The following LINS1 variants were observed in gnomAD, a reference collection of about 807,000 sequenced individuals.
LINS1 encodes protein Lines homolog 1.
In LINS1, 27 loss-of-function variants were observed where a neutral mutation model predicts 41.6. The ratio of observed to expected loss-of-function variants is 0.65; its 90% CI spans 0.48 to 0.89. The LOEUF is 0.89. Ranked by LOEUF, LINS1 falls within the 40% of genes least tolerant of loss-of-function variation. The pLI, the probability that LINS1 is intolerant of heterozygous loss-of-function variation, is 0.00. For synonymous variants in LINS1, 336 were observed against 312.9 expected, an observed-to-expected ratio of 1.07 and a Z score of -0.78; for missense variants, 955 against 884.1, an observed-to-expected ratio of 1.08 and a Z score of -1.02.
At chr15:100,570,882 C>T (rs532571122) in intron 6 of LINS1, among the ~76,000 whole-genome samples, 6 of 152,286 alleles carry the variant, frequency 3.9e-5, no homozygotes, top group Non-Finnish European at 7.3e-5. Flanking sequence ...GTTGTAAGCA[C>T]ATGCCTCTCT....
intron 1 of LINS1, among the ~76,000 whole-genome samples, chr15:100,588,698 A>G (rs2038912581): frequency 6.6e-6 from 1 of 152,228 alleles, no homozygotes; most frequent in Admixed American, 6.5e-5. Flanking sequence ...ATGTGAAATT[A>G]GCCATGCCCT....
intron 1 of LINS1, among the ~76,000 whole-genome samples, chr15:100,584,004 TTTTA>T (rs758798837): frequency 1.1e-4 from 16 of 152,106 alleles, no homozygotes; most frequent in Non-Finnish European, 2.4e-4. Context: ...ATGGAATTAT[TTTTA>T]TTTATTATCC....
At chr15:100,594,273 G>A (rs1481425746) in intron 1 of LINS1, among the ~76,000 whole-genome samples, 1 of 152,082 alleles carries the variant, frequency 6.6e-6, no homozygotes, top group Non-Finnish European at 1.5e-5. Flanking sequence ...TTGAATCTGT[G>A]GATGTGGAAC....
At chr15:100,578,440 G>A (rs2038322452) in intron 3 of LINS1, among the ~76,000 whole-genome samples, 1 of 151,596 alleles carries the variant, frequency 6.6e-6, no homozygotes, top group Non-Finnish European at 1.5e-5. Context: ...ATCATCACTG[G>A]CCATCAGAGA....
Position 100,569,814 on chromosome 15 carries a change from G to T in LINS1, c.1698C>A (p.Asp566Glu), listed in dbSNP as rs2037715951. The change falls in exon 7 of 7, where the codon GAC becomes GAA. Residue 566 changes from aspartate to glutamate, a missense_variant. Coordinates refer to ENST00000314742, the MANE Select transcript of LINS1 (RefSeq NM_001040616.3). The stretch of plus-strand genomic sequence containing the variant: ...GGGGTATTGTTTGGTTGGAGCTTTG[G>T]TCTTGGACAAGTGAGGGGACACAGC... ...ICGCVPSLVQ[D>E]QSSNQTIPHR... The T allele has an allele frequency of 6.2e-7, 1 of 1,614,116 alleles. No individual in the cohort carries two copies. The highest frequency in any genetic ancestry group is 8.5e-7 in the Non-Finnish European group (1 of 1,180,012).
intron 1 of LINS1, among the ~76,000 whole-genome samples, chr15:100,597,862 A>G (rs1443406639): frequency 6.6e-6 from 1 of 152,270 alleles, no homozygotes; most frequent in East Asian, 1.9e-4. Context: ...TTCAATTGAT[A>G]AAACGAGATT....
At chr15:100,579,358 G>A (rs902624209) in intron 3 of LINS1, among the ~76,000 whole-genome samples, 2 of 149,716 alleles carry the variant, frequency 1.3e-5, no homozygotes, top group Non-Finnish European at 3.0e-5. Context: ...AGCAAAGACT[G>A]TGGCCCCTTT....
intron 1 of LINS1, among the ~76,000 whole-genome samples, chr15:100,600,571 A>AAAAAAAAAAAAG (rs2039443657): frequency 6.6e-6 from 1 of 150,618 alleles, no homozygotes; most frequent in African/African-American, 2.4e-5. Context: ...AAAAAAAAAA[A>AAAAAAAAAAAAG]CAGGGAGAAA....
At chr15:100,602,055 G>C (rs1226074458) in intron 1 of LINS1, 66 bp downstream of exon 1, 1 of 152,346 alleles carries the variant, frequency 6.6e-6, no homozygotes, top group Non-Finnish European at 1.5e-5. Flanking sequence ...CCCTGAACCA[G>C]GCTCTCATTT....
At chr15:100,595,680 A>G (rs2039214152) in intron 1 of LINS1, among the ~76,000 whole-genome samples, 2 of 152,154 alleles carry the variant, frequency 1.3e-5, no homozygotes, top group African/African-American at 4.8e-5. Flanking sequence ...TATTAGAAGT[A>G]AAAAAAATTA....
At chr15:100,599,442 T>C (rs1305152466) in intron 1 of LINS1, among the ~76,000 whole-genome samples, 2 of 152,198 alleles carry the variant, frequency 1.3e-5, no homozygotes, top group Non-Finnish European at 2.9e-5. Flanking sequence ...AAAATGGTTG[T>C]TTAACTCAAA....
rs1366270682 is a variant in LINS1 at position 100,567,222 on chromosome 15, A to C, written c.*2016T>G. The C allele has an allele frequency of 6.6e-6, 1 of 152,248 alleles. No homozygotes were observed. The highest frequency in any genetic ancestry group is 1.5e-5 in the Non-Finnish European group (1 of 68,054). The allele number at this position is 152,248 out of a possible 1,614,324, so 9.4% of individuals were successfully genotyped here. On this transcript the variant is annotated 3_prime_UTR_variant, in exon 7 of 7. Transcript: ENST00000314742. ...TGTAGGCAACTGTAACACAATAGTAAGTATGCGTGTATCTAAACATGCCTA... is the reference window on the plus strand; with the variant it reads ...TGTAGGCAACTGTAACACAATAGTACGTATGCGTGTATCTAAACATGCCTA...
At position 100,580,383 on chromosome 15, in the gene LINS1, T is replaced by C. The variant is rs760930829; in HGVS notation, c.400-31A>G. On this transcript the variant is annotated intron_variant, in intron 2 of 6. Transcript: ENST00000314742. ...GGAAAACAAATATAATTAACCACTA[T>C]TGCTGAATGTTCTTAAAATTATTTT... 6 of 1,603,386 alleles carry C rather than the reference T, an allele frequency of 3.7e-6. No homozygotes were observed. In the Admixed American group the frequency reaches 6.7e-5, roughly 18 times the overall value.
intron 1 of LINS1, among the ~76,000 whole-genome samples, chr15:100,586,795 A>G (rs1245941800): frequency 6.6e-6 from 1 of 152,192 alleles, no homozygotes; most frequent in African/African-American, 2.4e-5. Flanking sequence ...AACCTGACAG[A>G]GAATTGGAGA....
rs906050059 is a variant in LINS1, at chr15:100,595,229, C to CA, written c.-104+6891dup. On this transcript the variant is annotated intron_variant, in intron 1 of 6. Coordinates refer to ENST00000314742, the MANE Select transcript of LINS1 (RefSeq NM_001040616.3). ...TCAGCAAAATTTAAAACTTGCTCTGCAAAAAAACCCTAAGAAGATGAGAAG... is the reference window on the plus strand; with the variant it reads ...TCAGCAAAATTTAAAACTTGCTCTGCAAAAAAAACCCTAAGAAGATGAGAAG... Among the ~76,000 whole-genome samples the CA allele has an allele frequency of 4.0e-5, 6 of 151,244 alleles. No homozygotes were observed. In the East Asian group the frequency reaches 7.8e-4, roughly 20 times the overall value.
chr15:100,594,888 C>A (rs997744720), intron 1 of LINS1, among the ~76,000 whole-genome samples: 2 of 152,140 alleles, frequency 1.3e-5, no homozygotes, highest in Admixed American at 1.3e-4. Context: ...GGAGGGCTGA[C>A]TATACTTTTA....
chr15:100,591,778 C>A (rs1038777238), intron 1 of LINS1, among the ~76,000 whole-genome samples: 6 of 152,178 alleles, frequency 3.9e-5, no homozygotes, highest in Non-Finnish European at 8.8e-5. Flanking sequence ...CAAGGAGCTA[C>A]CCTGCCTCCA....
chr15:100,581,291 G>A (rs8029054), intron 1 of LINS1, among the ~76,000 whole-genome samples: 17,575 of 152,134 alleles, frequency 0.12, 1,205 homozygotes, highest in East Asian at 0.27. Context: ...TGTATTATAA[G>A]ATGTTTGGCA....
At chr15:100,578,631 T>A (rs993620592) in intron 3 of LINS1, among the ~76,000 whole-genome samples, 3 of 152,160 alleles carry the variant, frequency 2.0e-5, no homozygotes, top group African/African-American at 7.2e-5. Flanking sequence ...TCCTCAGGGA[T>A]CTAGAGCTAG....
Sources: allele counts gnomAD v4.1 joint callset (sites outside exome capture counted in the v4.1 genomes callset), GRCh38; gene constraint gnomAD v4.1.1; transcripts MANE v1.5; gene names NCBI Gene and HGNC (gene_info 2026-07-23, HGNC 2026-07-21).